Variants in GRID1 observed in about 807,000 individuals in gnomAD.
The protein encoded by GRID1 is glutamate receptor ionotropic, delta-1.
A neutral mutation model predicts 98.0 loss-of-function variants in GRID1; 28 were observed. That is an observed-to-expected ratio of 0.29 (90% CI 0.21 to 0.39). GRID1 has a LOEUF of 0.39. Among genes scored for constraint, GRID1 ranks in the 10% least tolerant of loss-of-function variants. The pLI is 1.00. For synonymous variants in GRID1, 553 were observed against 538.5 expected, an observed-to-expected ratio of 1.03 and a Z score of -0.37; for missense variants, 1,111 against 1,340.5, an observed-to-expected ratio of 0.83 and a Z score of 2.67.
At chr10:85,850,059 C>G (rs1427798335) in intron 8 of GRID1, among the ~76,000 whole-genome samples, 1 of 152,170 alleles carries the variant, frequency 6.6e-6, no homozygotes, top group African/African-American at 2.4e-5. Context: ...CTCCCCCACC[C>G]TCCTGCCCAA....
chr10:86,323,804 A>G (rs1209867509), intron 2 of GRID1, among the ~76,000 whole-genome samples: 3 of 152,248 alleles, frequency 2.0e-5, no homozygotes, highest in African/African-American at 4.8e-5. Context: ...TGTGCATTTT[A>G]CCACAATTTT....
chr10:85,889,667 T>C (rs760142416), intron 5 of GRID1, among the ~76,000 whole-genome samples: 2 of 152,174 alleles, frequency 1.3e-5, no homozygotes, highest in East Asian at 1.9e-4. Flanking sequence ...ACTTTGGAGA[T>C]GTTGATTTCC....
intron 2 of GRID1, among the ~76,000 whole-genome samples, chr10:86,242,197 G>C (rs1846647807): frequency 6.6e-6 from 1 of 152,248 alleles, no homozygotes; most frequent in African/African-American, 2.4e-5. Flanking sequence ...TGAAGGCAGA[G>C]CAAGATTTAC....
intron 4 of GRID1, among the ~76,000 whole-genome samples, chr10:86,001,348 C>A (rs769241846): frequency 3.3e-5 from 5 of 151,848 alleles, no homozygotes; most frequent in Non-Finnish European, 5.9e-5. Context: ...AAAAATGACA[C>A]AAACCACACA....
At chr10:86,111,870 G>A (rs4284352) in intron 4 of GRID1, among the ~76,000 whole-genome samples, 128,362 of 152,248 alleles carry the variant, frequency 0.84, 54,512 homozygotes, top group East Asian at 0.92. Context: ...CAAAGAAATA[G>A]AATCTCTGGA....
chr10:86,036,468 G>T (rs866790490), intron 4 of GRID1, among the ~76,000 whole-genome samples: 2 of 152,188 alleles, frequency 1.3e-5, no homozygotes, highest in South Asian at 2.1e-4. Context: ...GCAGCCGCAG[G>T]CACTGTGACC....
chr10:85,906,093 T>C (rs773386023), intron 5 of GRID1, among the ~76,000 whole-genome samples: 5 of 151,924 alleles, frequency 3.3e-5, no homozygotes, highest in Non-Finnish European at 7.4e-5. Context: ...AAAATAAATA[T>C]AGAATGGCTG....
intron 4 of GRID1, among the ~76,000 whole-genome samples, chr10:85,977,611 C>T (rs986830528): frequency 6.6e-6 from 1 of 152,192 alleles, no homozygotes; most frequent in Non-Finnish European, 1.5e-5. Context: ...GAGCAAGGCT[C>T]CATGCACACC....
At chr10:85,638,070 GT>G (rs1465420742) in intron 13 of GRID1, among the ~76,000 whole-genome samples, 1 of 151,920 alleles carries the variant, frequency 6.6e-6, no homozygotes, top group Admixed American at 6.6e-5. Flanking sequence ...AATGATATAA[GT>G]TTTAACATTA....
chr10:85,924,404 A>C (rs1462121628), intron 4 of GRID1, among the ~76,000 whole-genome samples: 6 of 152,190 alleles, frequency 3.9e-5, no homozygotes, highest in Admixed American at 3.9e-4. Context: ...GAAAGAAACA[A>C]AGTGAACTTA....
chr10:85,849,893 C>T (rs2131777369), intron 8 of GRID1, among the ~76,000 whole-genome samples: 1 of 152,316 alleles, frequency 6.6e-6, no homozygotes, highest in African/African-American at 2.4e-5. Context: ...AGCTTGACCC[C>T]CTGGACAAAA....
At chr10:86,221,886 CCTCCTCCTCCTT>C (rs1846259218) in intron 2 of GRID1, among the ~76,000 whole-genome samples, 1 of 124,110 alleles carries the variant, frequency 8.1e-6, no homozygotes, top group Non-Finnish European at 1.8e-5. Flanking sequence ...GCCCCCTCCC[CCTCCTCCTCCTT>C]CTCCTCCTCC....
At chr10:85,857,193 A>AG (rs1843120254) in intron 6 of GRID1, among the ~76,000 whole-genome samples, 2 of 152,198 alleles carry the variant, frequency 1.3e-5, no homozygotes, top group Admixed American at 6.5e-5. Flanking sequence ...TGCCCATCTG[A>AG]GGACCACCCT....
intron 4 of GRID1, among the ~76,000 whole-genome samples, chr10:85,996,807 C>T (rs78341716): frequency 0.061 from 8,373 of 136,566 alleles, 294 homozygotes; most frequent in Middle Eastern, 0.1. Context: ...TCAGCATGGG[C>T]GACAAAAGCG....
chr10:86,287,183 G>A (rs962422925), intron 2 of GRID1, among the ~76,000 whole-genome samples: 1 of 152,336 alleles, frequency 6.6e-6, no homozygotes, highest in South Asian at 2.1e-4. Context: ...TGCAGGTGAG[G>A]CTGGGGTAGA....
At chr10:86,228,693 G>A (rs1209605141) in intron 2 of GRID1, among the ~76,000 whole-genome samples, 1 of 151,970 alleles carries the variant, frequency 6.6e-6, no homozygotes, top group Non-Finnish European at 1.5e-5. Context: ...TGTCCCAGGA[G>A]CTCCAGCCCA....
chr10:85,987,440 C>G (rs1176281238), intron 4 of GRID1, among the ~76,000 whole-genome samples: 1 of 100,216 alleles, frequency 1.0e-5, no homozygotes, highest in Non-Finnish European at 2.1e-5. Context: ...GCTTTACCTG[C>G]CCCCCAGCCT....
chr10:85,797,553 C>T (rs1010452440), intron 8 of GRID1, among the ~76,000 whole-genome samples: 1 of 152,112 alleles, frequency 6.6e-6, no homozygotes, highest in African/African-American at 2.4e-5. Context: ...CCTCAGCCTC[C>T]TGAGCAGCTG....
At chr10:85,976,584 C>A (rs1308831335) in intron 4 of GRID1, among the ~76,000 whole-genome samples, 1 of 152,228 alleles carries the variant, frequency 6.6e-6, no homozygotes, top group East Asian at 1.9e-4. Context: ...CCATCTAGCT[C>A]CCCGGCCCCT....
Sources: gnomAD v4.1 joint callset for allele counts (sites outside exome capture counted in the v4.1 genomes callset) on GRCh38, gnomAD v4.1.1 for gene constraint, MANE v1.5 for transcripts, NCBI Gene and HGNC (gene_info 2026-07-23, HGNC 2026-07-21) for gene names.